Variants in MTA3 observed in about 807,000 individuals in gnomAD.
The protein encoded by MTA3 is metastasis-associated protein MTA3.
MTA3 carries 34 observed loss-of-function variants against 83.5 expected under a neutral mutation model. The observed-to-expected ratio is 0.41, with a 90% CI of 0.31 to 0.54. MTA3 has a LOEUF of 0.54. Among genes scored for constraint, MTA3 ranks in the 20% least tolerant of loss-of-function variants. MTA3 has a pLI of 0.33. For missense variants in MTA3, 761 were observed against 726.4 expected (o/e 1.05, Z -0.55); for synonymous variants, 303 against 252.7 (o/e 1.20, Z -1.89).
At chr2:42,605,119 G>C (rs1683092856) in intron 3 of MTA3, among the ~76,000 whole-genome samples, 2 of 148,682 alleles carry the variant, frequency 1.3e-5, no homozygotes, top group African/African-American at 2.5e-5. Context: ...AGATGGGGTG[G>C]TGGCCGGGCA....
In MTA3 at chr2:42,753,616, T is replaced by C. The variant is rs767036423; in HGVS notation, c.*217T>C. The C allele has an allele frequency of 2.3e-5, 32 of 1,368,472 alleles. No homozygotes were observed. Among genetic ancestry groups the C allele is most frequent in the Non-Finnish European group, 2.9e-5 (31 of 1,060,090 alleles). 84.8% of individuals were successfully genotyped at this position (1,368,472 alleles called of 1,614,324 possible). On this transcript the variant is annotated 3_prime_UTR_variant, in exon 17 of 17. Coordinates refer to ENST00000405094, the MANE Select transcript of MTA3 (RefSeq NM_001330442.2). ...GTGGATCAGCAGCACCTCGCTTTCT[T>C]GTCAGAGACCTCGCTGTTACGGAGC...
At chr2:42,575,746 ATTGTT>A (rs1198163121) in intron 2 of MTA3, among the ~76,000 whole-genome samples, 5 of 152,192 alleles carry the variant, frequency 3.3e-5, no homozygotes, top group Non-Finnish European at 7.3e-5. Context: ...TAAATCATGC[ATTGTT>A]TTCTTGAGGC....
intron 4 of MTA3, among the ~76,000 whole-genome samples, chr2:42,613,062 C>T (rs1684419935): frequency 6.6e-6 from 1 of 152,038 alleles, no homozygotes; most frequent in South Asian, 2.1e-4. Context: ...AATGGAAAAA[C>T]TAGTGATGTG....
At chr2:42,711,777 A>T (rs113277937) in intron 14 of MTA3, among the ~76,000 whole-genome samples, 96,868 of 148,186 alleles carry the variant, frequency 0.65, 32,738 homozygotes, top group African/African-American at 0.84. Flanking sequence ...TATAGGAGAG[A>T]GAGAGAGTGT....
Position 42,530,551 on chromosome 2 carries a change from A to C in MTA3, c.-141+35297A>C, listed in dbSNP as rs191097823. ...TGTAATCCAACAATTTGGGAGGCCG[A>C]GGCGGGCAGATCACCTGAGGTCGGG... On this transcript the variant is annotated intron_variant, in intron 2 of 17. Coordinates refer to the MTA3 transcript ENST00000405592. 1.7e-3 allele frequency among the ~76,000 whole-genome samples: 256 copies of C among 151,788 alleles called. 3 individuals carry two copies. Among genetic ancestry groups the C allele is most frequent in the African/African-American group, 5.4e-3 (223 of 41,414 alleles).
chr2:42,620,941 GTCATGGTTATT>G (rs1159433401), intron 4 of MTA3, among the ~76,000 whole-genome samples: 2 of 152,108 alleles, frequency 1.3e-5, no homozygotes, highest in African/African-American at 4.8e-5. Flanking sequence ...TTTTTGAAAA[GTCATGGTTATT>G]TCATAGATAT....
chr2:42,744,390 G>A (rs1446099797), intron 16 of MTA3, among the ~76,000 whole-genome samples: 1 of 152,214 alleles, frequency 6.6e-6, no homozygotes, highest in Non-Finnish European at 1.5e-5. Flanking sequence ...TAGTGTGTGA[G>A]CCCCTCAGAG....
At chr2:42,655,942 A>C (rs908142250) in intron 6 of MTA3, among the ~76,000 whole-genome samples, 1 of 152,206 alleles carries the variant, frequency 6.6e-6, no homozygotes, top group Non-Finnish European at 1.5e-5. Flanking sequence ...CATGGCACTT[A>C]CTGCCTCTCA....
rs560981955 is a variant in MTA3, at chr2:42,636,987, C to T, written c.318-3186C>T. On this transcript the variant is annotated intron_variant, in intron 4 of 16. Transcript: ENST00000405094. ...ATAAAAGAAATATATAACCTGTATG[C>T]ACATTTTTACGTTTTTCAGTCTGTA... Among the ~76,000 whole-genome samples the T allele has an allele frequency of 5.3e-5, 8 of 152,214 alleles. No individual in the cohort carries two copies. In the East Asian group the frequency reaches 1.5e-3, roughly 29 times the overall value.
chr2:42,742,458 C>T (rs1443525909), intron 16 of MTA3, among the ~76,000 whole-genome samples: 1 of 152,090 alleles, frequency 6.6e-6, no homozygotes, highest in Non-Finnish European at 1.5e-5. Context: ...AAAACCCCTT[C>T]ACCATCATTT....
At position 42,756,486 on chromosome 2, in the gene MTA3, T is replaced by A. The variant is rs544868372; in HGVS notation, c.*3087T>A. 1 of 985,570 alleles carries A rather than the reference T, an allele frequency of 1.0e-6. No homozygotes were observed. The highest frequency in any genetic ancestry group is 1.2e-6 in the Non-Finnish European group (1 of 830,060). The allele number at this position is 985,570 out of a possible 1,614,324, so 61.1% of individuals were successfully genotyped here. A position where few individuals can be genotyped will look rare whatever the true frequency, so the allele number is the denominator to read the frequency against. On this transcript the variant is annotated 3_prime_UTR_variant, in exon 17 of 17. Transcript: ENST00000405094. ...CAAGCAGGTGGGGCTGTGCGTGGCC[T>A]CAGTGCACTCGGTGTCATGTCTGAG...
intron 3 of MTA3, among the ~76,000 whole-genome samples, chr2:42,606,186 G>A (rs866339046): frequency 1.7e-4 from 9 of 53,754 alleles, no homozygotes; most frequent in African/African-American, 3.8e-4. Flanking sequence ...GCGGCTGGCC[G>A]GGCGGGGGGC....
rs1358431788 is a variant in MTA3 at position 42,755,507 on chromosome 2, C to T, written c.*2108C>T. On this transcript the variant is annotated 3_prime_UTR_variant, in exon 17 of 17. Coordinates refer to ENST00000405094, the MANE Select transcript of MTA3 (RefSeq NM_001330442.2). ...GCCACGTGTGCCAAGCAGGCTTTTC[C>T]TTCCTCTTGTAAGTAAAGCTCGTGG... is the stretch of plus-strand genomic sequence containing the variant. 12 of 985,494 alleles carry T rather than the reference C, an allele frequency of 1.2e-5. No homozygotes were observed. The highest frequency in any genetic ancestry group is 1.3e-5 in the Non-Finnish European group (11 of 829,964). 61.0% of individuals were successfully genotyped at this position (985,494 alleles called of 1,614,324 possible).
At chr2:42,752,432 G>C in intron 16 of MTA3, 1 of 354,856 alleles carries the variant, frequency 2.8e-6, no homozygotes, top group Non-Finnish European at 5.6e-6. Context: ...TAATAACTAA[G>C]TAAAAAGCTT....
At chr2:42,499,335 A>G (rs1195050589) in intron 2 of MTA3, among the ~76,000 whole-genome samples, 1 of 151,268 alleles carries the variant, frequency 6.6e-6, no homozygotes, top group Non-Finnish European at 1.5e-5. Flanking sequence ...CCCGGCTAAT[A>G]TTGTATTTTT....
intron 3 of MTA3, among the ~76,000 whole-genome samples, chr2:42,585,747 T>G (rs1680203962): frequency 1.3e-5 from 2 of 152,046 alleles, no homozygotes; most frequent in Non-Finnish European, 2.9e-5. Flanking sequence ...GTGCTCGGAT[T>G]AGAGGCATGA....
At chr2:42,679,529 GCACA>G (rs1253901015) in intron 8 of MTA3, among the ~76,000 whole-genome samples, 1 of 152,176 alleles carries the variant, frequency 6.6e-6, no homozygotes, top group East Asian at 1.9e-4. Context: ...CTTCTGACTG[GCACA>G]CACAGTTACC....
intron 9 of MTA3, among the ~76,000 whole-genome samples, chr2:42,694,574 A>C (rs1033014397): frequency 2.0e-5 from 3 of 152,066 alleles, no homozygotes; most frequent in Non-Finnish European, 4.4e-5. Context: ...TCCCCTGGTC[A>C]CTGTGATGTT....
At chr2:42,531,218 A>C (rs1248441736) in intron 2 of MTA3, among the ~76,000 whole-genome samples, 2 of 152,058 alleles carry the variant, frequency 1.3e-5, no homozygotes, top group African/African-American at 2.4e-5. Flanking sequence ...TTACCTTGGG[A>C]CCTCACAGCC....
Sources: allele counts gnomAD v4.1 joint callset (sites outside exome capture counted in the v4.1 genomes callset), GRCh38; gene constraint gnomAD v4.1.1; transcripts MANE v1.5; gene names NCBI Gene and HGNC (gene_info 2026-07-23, HGNC 2026-07-21).